The following CELF2 variants were observed in gnomAD, a reference collection of about 807,000 sequenced individuals.
CELF2 encodes the protein CUGBP Elav-like family member 2.
In CELF2, 8 loss-of-function variants were observed where a neutral mutation model predicts 62.6. The observed-to-expected ratio is 0.13, with a 90% CI of 0.07 to 0.23. The LOEUF (loss-of-function observed/expected upper bound fraction) is 0.23. CELF2 is among the 10% of genes least tolerant of loss of function. The pLI, the probability that CELF2 is intolerant of heterozygous loss-of-function variation, is 1.00. For missense variants in CELF2, 333 were observed against 671.0 expected, an observed-to-expected ratio of 0.50 and a Z score of 5.56; for synonymous variants, 258 against 250.0, an observed-to-expected ratio of 1.03 and a Z score of -0.30.
chr10:11,085,519 C>G (rs1288231528), intron 1 of CELF2, among the ~76,000 whole-genome samples: 2 of 152,194 alleles, frequency 1.3e-5, no homozygotes, highest in African/African-American at 4.8e-5. Context: ...TTCTCCTAAG[C>G]ACTTTTATGT....
chr10:10,506,317 T>C, the CELF2 span, among the ~76,000 whole-genome samples: 2 of 151,848 alleles, frequency 1.3e-5, no homozygotes, highest in African/African-American at 4.8e-5. Context: ...TGTCTGTGTC[T>C]ATATAGGTAT....
rs1298785402 is a variant in CELF2, at chr10:11,321,534, C to T, written c.1294+148C>T. The T allele has an allele frequency of 3.1e-6, 2 of 639,524 alleles. No homozygotes were observed. Among genetic ancestry groups the T allele is most frequent in the Non-Finnish European group, 2.6e-6 (1 of 387,342 alleles). 39.6% of individuals were successfully genotyped at this position (639,524 alleles called of 1,614,324 possible). A position where few individuals can be genotyped will look rare whatever the true frequency, so the allele number is the denominator to read the frequency against. ...TATTCATGTTTAAAAAAAAAAAAAACTGAAAGCTGGGCATGGTGGCATACA... is the reference window on the plus strand; with the variant it reads ...TATTCATGTTTAAAAAAAAAAAAAATTGAAAGCTGGGCATGGTGGCATACA... On this transcript the variant is annotated intron_variant, in intron 11 of 12. Transcript: ENST00000633077. This position sits in a 1 kb window ranked among gnomAD's most constrained non-coding sequence, Gnocchi z 6.2.
At chr10:11,131,362 G>A (rs976792772) in intron 1 of CELF2, among the ~76,000 whole-genome samples, 2 of 152,194 alleles carry the variant, frequency 1.3e-5, no homozygotes, top group Non-Finnish European at 2.9e-5. Context: ...GAAAGGTGCC[G>A]TGATGTTTCT....
the CELF2 span, among the ~76,000 whole-genome samples, chr10:10,782,820 C>G: frequency 6.6e-6 from 1 of 152,182 alleles, no homozygotes; most frequent in Non-Finnish European, 1.5e-5. Context: ...ATCGTGCCCC[C>G]TGGTCTGTGA....
chr10:10,699,377 G>C, the CELF2 span, among the ~76,000 whole-genome samples: 1 of 152,212 alleles, frequency 6.6e-6, no homozygotes, highest in Non-Finnish European at 1.5e-5. Flanking sequence ...GGGTCTGGCA[G>C]GTGGTAGAGA....
At chr10:10,832,234 C>T (rs2132264342) in intron 1 of CELF2, among the ~76,000 whole-genome samples, 1 of 151,682 alleles carries the variant, frequency 6.6e-6, no homozygotes, top group East Asian at 1.9e-4. Context: ...TGCCGCTGCA[C>T]TCCAGCCTGG....
At chr10:10,638,457 G>A in the CELF2 span, among the ~76,000 whole-genome samples, 1 of 152,198 alleles carries the variant, frequency 6.6e-6, no homozygotes, top group Non-Finnish European at 1.5e-5. Flanking sequence ...CTGTGAGCTA[G>A]TCCATACAGT....
chr10:11,291,021 T>C (rs767459455), intron 9 of CELF2, among the ~76,000 whole-genome samples: 1 of 152,188 alleles, frequency 6.6e-6, no homozygotes, highest in Non-Finnish European at 1.5e-5. Flanking sequence ...ATCAAGGCAG[T>C]TTCCTAGAAG....
rs2066789160 is a variant in CELF2, at chr10:11,165,423, A to G, written c.75-63A>G. On this transcript the variant is annotated intron_variant, in intron 1 of 12. Coordinates refer to ENST00000633077, the MANE Select transcript of CELF2 (RefSeq NM_001326342.2). The surrounding 1 kb of genome is among the most constrained non-coding windows in gnomAD (Gnocchi z 7.4). Reference sequence around the variant, plus strand: ...GCCTCCCCGCTCCCCCACCCCCACTATTTTTTCTTCCTGTCCCTCATCGTG... The same window carrying G: ...GCCTCCCCGCTCCCCCACCCCCACTGTTTTTTCTTCCTGTCCCTCATCGTG... 6.6e-7 allele frequency: 1 copy of G among 1,524,086 alleles called. No homozygotes were observed. Among genetic ancestry groups the G allele is most frequent in the Non-Finnish European group, 8.8e-7 (1 of 1,131,788 alleles). 94.4% of individuals were successfully genotyped at this position (1,524,086 alleles called of 1,614,324 possible). A position where few individuals can be genotyped will look rare whatever the true frequency, so the allele number is the denominator to read the frequency against.
At chr10:10,956,679 G>C (rs2048935147) in intron 2 of CELF2, among the ~76,000 whole-genome samples, 1 of 152,134 alleles carries the variant, frequency 6.6e-6, no homozygotes, top group Non-Finnish European at 1.5e-5. Flanking sequence ...TGTAATCCCA[G>C]TGCTTTAGGA....
At chr10:10,670,093 G>A in the CELF2 span, among the ~76,000 whole-genome samples, 4 of 152,084 alleles carry the variant, frequency 2.6e-5, no homozygotes, top group African/African-American at 9.6e-5. Context: ...AGTAGAGACG[G>A]GTTTTGCCAT....
intron 2 of CELF2, among the ~76,000 whole-genome samples, chr10:11,186,751 A>G (rs1271207789): frequency 2.6e-5 from 4 of 152,208 alleles, no homozygotes; most frequent in African/African-American, 9.6e-5. Context: ...ATGCTCAACC[A>G]GTAAGTATAA....
intron 1 of CELF2, among the ~76,000 whole-genome samples, chr10:10,852,109 A>G (rs530748342): frequency 9.2e-5 from 14 of 152,372 alleles, no homozygotes; most frequent in Admixed American, 3.3e-4. Context: ...TGTCTACTCA[A>G]GACAGAAGAA....
the CELF2 span, among the ~76,000 whole-genome samples, chr10:10,724,523 G>A: frequency 3.3e-5 from 5 of 152,062 alleles, no homozygotes; most frequent in Admixed American, 3.3e-4. Context: ...AGGCATGGTG[G>A]CAGGTGCCTG....
At position 11,246,860 on chromosome 10, in the gene CELF2, T is replaced by A. The variant is rs1234866553; in HGVS notation, c.355-2293T>A. On this transcript the variant is annotated intron_variant, in intron 3 of 12. Transcript: ENST00000633077. This position sits in a 1 kb window ranked among gnomAD's most constrained non-coding sequence, Gnocchi z 4.6. The stretch of plus-strand genomic sequence containing the variant: ...GCCCGTCTCTCGAGCCTGAGCCCCA[T>A]GATTACAACTTCTGTCTGTACCCCA... Among the ~76,000 whole-genome samples, 1 of 152,242 alleles carries A rather than the reference T, an allele frequency of 6.6e-6. No homozygotes were observed. The highest frequency in any genetic ancestry group is 2.4e-5 in the African/African-American group (1 of 41,464).
At chr10:11,195,941 A>T (rs575708330) in intron 2 of CELF2, among the ~76,000 whole-genome samples, 1 of 152,084 alleles carries the variant, frequency 6.6e-6, no homozygotes, top group South Asian at 2.1e-4. Context: ...GTCACAAAAT[A>T]TTAATACTCT....
chr10:10,644,229 T>C, the CELF2 span, among the ~76,000 whole-genome samples: 1 of 152,024 alleles, frequency 6.6e-6, no homozygotes, highest in African/African-American at 2.4e-5. Flanking sequence ...ATTAGAAAAA[T>C]CTCATTTATC....
chr10:10,512,663 C>T, the CELF2 span, among the ~76,000 whole-genome samples: 2 of 152,124 alleles, frequency 1.3e-5, no homozygotes, highest in African/African-American at 2.4e-5. Flanking sequence ...GATCTGCCCA[C>T]CTCAGCTTCC....
chr10:10,735,663 A>G, the CELF2 span, among the ~76,000 whole-genome samples: 8 of 152,220 alleles, frequency 5.3e-5, no homozygotes, highest in Non-Finnish European at 8.8e-5. Context: ...GACGTTAAAG[A>G]AGTAGCTTCT....
Sources: gnomAD v4.1 joint callset for allele counts (sites outside exome capture counted in the v4.1 genomes callset) on GRCh38, gnomAD v4.1.1 for gene constraint, Gnocchi (gnomAD v3.1) non-coding constraint, MANE v1.5 for transcripts, NCBI Gene and HGNC (gene_info 2026-07-23, HGNC 2026-07-21) for gene names.